The following CDK13 variants were observed in gnomAD, a reference collection of about 807,000 sequenced individuals.
CDK13 encodes cyclin-dependent kinase 13.
Under a neutral mutation model 137.6 loss-of-function variants are expected in CDK13, and 40 were observed. The ratio of observed to expected loss-of-function variants is 0.29; its 90% CI spans 0.23 to 0.38. The LOEUF (loss-of-function observed/expected upper bound fraction) is 0.38, where lower values mean the gene tolerates loss of function less well. CDK13 is among the 10% of genes least tolerant of loss of function. The pLI, the probability that CDK13 is intolerant of heterozygous loss-of-function variation, is 1.00. For synonymous variants in CDK13, 869 were observed against 760.1 expected, an observed-to-expected ratio of 1.14 and a Z score of -2.36; for missense variants, 1,704 against 1,951.8, an observed-to-expected ratio of 0.87 and a Z score of 2.39.
chr7:40,078,980 A>G, intron 11 of CDK13, 129 bp downstream of exon 11: 1 of 267,074 alleles, frequency 3.7e-6, no homozygotes, highest in Non-Finnish European at 6.2e-6. Flanking sequence ...AAGGAAAGAT[A>G]AAACAGCAGT....
intron 1 of CDK13, among the ~76,000 whole-genome samples, chr7:39,967,470 TAA>T (rs796370648): frequency 1.4e-5 from 2 of 144,540 alleles, no homozygotes; most frequent in African/African-American, 5.1e-5. Context: ...TGAACCACAT[TAA>T]AAAAAAAAAA....
intron 5 of CDK13, among the ~76,000 whole-genome samples, chr7:40,013,069 A>G (rs1464429903): frequency 6.6e-6 from 1 of 152,182 alleles, no homozygotes; most frequent in Non-Finnish European, 1.5e-5. Context: ...ACAATTAAGT[A>G]CTGTTAAGCC....
Position 39,951,758 on chromosome 7 carries a change from C to A in CDK13, c.1117C>A (p.His373Asn). The change falls in exon 1 of 14, where the codon CAC (histidine) becomes AAC (asparagine). Residue 373 changes from histidine (H) to asparagine (N), a missense_variant. Physicochemically the swap from His to Asn is moderately conservative, Grantham distance 68. Coordinates refer to ENST00000181839, the MANE Select transcript of CDK13 (RefSeq NM_003718.5). ...SRRRSPSYSR[H>N]SSYERGGDVS... ...CCGCCGCTCCCCCAGCTACAGCCGCCACAGCTCCTACGAGCGGGGCGGCGA... is the reference window on the plus strand; with the variant it reads ...CCGCCGCTCCCCCAGCTACAGCCGCAACAGCTCCTACGAGCGGGGCGGCGA... The A allele has an allele frequency of 6.7e-7, 1 of 1,492,996 alleles. No individual in the cohort carries two copies. The highest frequency in any genetic ancestry group is 2.4e-5 in the Admixed American group (1 of 41,364). The allele number at this position is 1,492,996 out of a possible 1,614,324, so 92.5% of individuals were successfully genotyped here. A position where few individuals can be genotyped will look rare whatever the true frequency, so the allele number is the denominator to read the frequency against.
chr7:40,001,922 A>G lies in CDK13; in HGVS notation c.2244A>G (p.Thr748=), dbSNP rs755149077. ...ATGAAAAGGAAGGCTTTCCAATTAC[A>G]GCAATTCGAGAAATTAAAATTCTCC... ...LDNEKEGFPI[T]AIREIKILRQ... is the part of the protein sequence containing the mutation. The change falls in exon 5 of 14, where the codon ACA becomes ACG. Residue 748 remains threonine (T), a synonymous_variant. Transcript: ENST00000181839. 6.2e-7 allele frequency: 1 copy of G among 1,610,930 alleles called. No individual in the cohort carries two copies. Among genetic ancestry groups the G allele is most frequent in the Non-Finnish European group, 8.5e-7 (1 of 1,177,336 alleles).
chr7:40,091,475 T>C (rs1786922731), intron 12 of CDK13, among the ~76,000 whole-genome samples: 1 of 151,862 alleles, frequency 6.6e-6, no homozygotes, highest in South Asian at 2.1e-4. Flanking sequence ...ATCATGCCAC[T>C]GCACTCCAGC....
rs1020496888 is a variant in CDK13 at position 39,974,304 on chromosome 7, G to A, written c.1212-13295G>A. ...TGGTCTTGAACTCCTAGGCTCAAGC[G>A]CTCCTCCTGCCTTGGCCTCCCAAGG... is the stretch of plus-strand genomic sequence containing the variant. On this transcript the variant is annotated intron_variant, in intron 1 of 13. Coordinates refer to ENST00000181839, the MANE Select transcript of CDK13 (RefSeq NM_003718.5). Among the ~76,000 whole-genome samples the A allele has an allele frequency of 2.6e-5, 4 of 151,870 alleles. 1 individual carries two copies. Among genetic ancestry groups the A allele is most frequent in the South Asian group, 4.1e-4 (2 of 4,820 alleles).
At chr7:39,979,381 T>C (rs2116226676) in intron 1 of CDK13, among the ~76,000 whole-genome samples, 1 of 152,212 alleles carries the variant, frequency 6.6e-6, no homozygotes, top group African/African-American at 2.4e-5. Context: ...CACACCCGTC[T>C]GATTTTGTAT....
chr7:40,036,888 C>A (rs1000411150), intron 5 of CDK13, among the ~76,000 whole-genome samples: 5 of 152,114 alleles, frequency 3.3e-5, no homozygotes, highest in Non-Finnish European at 7.4e-5. Context: ...GATATACATT[C>A]ACGTTTACCC....
intron 5 of CDK13, among the ~76,000 whole-genome samples, chr7:40,026,397 T>A (rs1419075295): frequency 6.6e-6 from 1 of 152,114 alleles, no homozygotes; most frequent in East Asian, 1.9e-4. Context: ...TAGTCCCAGC[T>A]ACTTGGGGGG....
intron 9 of CDK13, among the ~76,000 whole-genome samples, chr7:40,074,926 AAC>A (rs1349086665): frequency 6.6e-6 from 1 of 152,168 alleles, no homozygotes; most frequent in Non-Finnish European, 1.5e-5. Flanking sequence ...AAGAAATAGA[AAC>A]ACTAATTCTA....
rs1470966498 is a variant in CDK13 at position 40,094,917 on chromosome 7, A to C, written c.4476A>C (p.Gln1492His). ...TSPAQGPGYS[Q>H]GYRGHISTST... Reference sequence around the variant, plus strand: ...CTGCCCAAGGACCTGGATATTCACAAGGATACAGGGGACATATTAGCACAT... The same window carrying C: ...CTGCCCAAGGACCTGGATATTCACACGGATACAGGGGACATATTAGCACAT... The change falls in exon 14 of 14, where the codon CAA becomes CAC. Residue 1492 changes from glutamine (Q) to histidine (H), a missense_variant. Gln to His is a conservative substitution (Grantham distance 24). Transcript: ENST00000181839. 1 of 1,504,798 alleles carries C rather than the reference A, an allele frequency of 6.6e-7. No homozygotes were observed. The highest frequency in any genetic ancestry group is 1.4e-5 in the African/African-American group (1 of 71,366). The allele number at this position is 1,504,798 out of a possible 1,614,324, so 93.2% of individuals were successfully genotyped here.
intron 9 of CDK13, among the ~76,000 whole-genome samples, chr7:40,065,409 A>AT (rs1436179937): frequency 6.6e-6 from 1 of 152,140 alleles, no homozygotes; most frequent in Non-Finnish European, 1.5e-5. Context: ...TGGAAGAAGA[A>AT]TAGTTGTCTT....
intron 9 of CDK13, chr7:40,070,051 T>C (rs1164807941): frequency 1.9e-5 from 2 of 102,886 alleles, no homozygotes; most frequent in Non-Finnish European, 3.6e-5. Context: ...TGAAACCCCG[T>C]CTCTACCAAA....
chr7:40,090,805 G>A (rs191989948), intron 12 of CDK13, among the ~76,000 whole-genome samples: 43 of 152,188 alleles, frequency 2.8e-4, no homozygotes, highest in East Asian at 5.8e-4. Flanking sequence ...CTAGGAGGTC[G>A]AGACTGCAGT....
intron 5 of CDK13, among the ~76,000 whole-genome samples, chr7:40,024,408 C>T (rs1261535685): frequency 6.6e-6 from 1 of 152,162 alleles, no homozygotes; most frequent in Non-Finnish European, 1.5e-5. Flanking sequence ...TGAATTTTCT[C>T]GCCACTTTAT....
At chr7:40,020,112 G>C (rs1425128067) in intron 5 of CDK13, among the ~76,000 whole-genome samples, 1 of 151,852 alleles carries the variant, frequency 6.6e-6, no homozygotes, top group Admixed American at 6.6e-5. Flanking sequence ...CTGTCACCTA[G>C]GCTGGAGTGC....
At chr7:39,968,591 A>G (rs1237865458) in intron 1 of CDK13, among the ~76,000 whole-genome samples, 1 of 152,220 alleles carries the variant, frequency 6.6e-6, no homozygotes, top group Non-Finnish European at 1.5e-5. Context: ...GCTCTTGGCT[A>G]CTTTGCCAAA....
intron 5 of CDK13, among the ~76,000 whole-genome samples, chr7:40,019,906 G>A (rs1301146761): frequency 6.6e-6 from 1 of 152,120 alleles, no homozygotes; most frequent in Admixed American, 6.5e-5. Flanking sequence ...AATGCATGAT[G>A]CTTCATTCTC....
chr7:39,980,564 T>A (rs1464926857), intron 1 of CDK13, among the ~76,000 whole-genome samples: 1 of 152,220 alleles, frequency 6.6e-6, no homozygotes, highest in East Asian at 1.9e-4. Context: ...ACACAGCTGC[T>A]ATTAGCATGA....
Sources: gnomAD v4.1 joint callset for allele counts (sites outside exome capture counted in the v4.1 genomes callset) on GRCh38, gnomAD v4.1.1 for gene constraint, MANE v1.5 for transcripts, NCBI Gene and HGNC (gene_info 2026-07-23, HGNC 2026-07-21) for gene names.